GAB2: variants seen among roughly 807,000 people sequenced by gnomAD.
GAB2 encodes the protein GRB2-associated-binding protein 2.
In GAB2, 26 loss-of-function variants were observed where a neutral mutation model predicts 65.5. That is an observed-to-expected ratio of 0.40 (90% CI 0.29 to 0.55). GAB2 has a LOEUF of 0.55. Ranked by LOEUF, GAB2 falls within the 20% of genes least tolerant of loss-of-function variation. GAB2 has a pLI of 0.53. For synonymous variants in GAB2, 321 were observed against 329.6 expected, an observed-to-expected ratio of 0.97 and a Z score of 0.28; for missense variants, 884 against 875.8, an observed-to-expected ratio of 1.01 and a Z score of -0.12.
chr11:78,268,287 T>G (rs1865919140), intron 2 of GAB2, among the ~76,000 whole-genome samples: 1 of 152,208 alleles, frequency 6.6e-6, no homozygotes, highest in Non-Finnish European at 1.5e-5. Context: ...AGCTGAAATT[T>G]AAAACCAGAA....
intron 1 of GAB2, among the ~76,000 whole-genome samples, chr11:78,370,710 T>C (rs1028262084): frequency 1.4e-5 from 2 of 146,182 alleles, no homozygotes; most frequent in South Asian, 2.1e-4. Context: ...TATGTGTGTG[T>C]GCGTGTGTGT....
intron 1 of GAB2, among the ~76,000 whole-genome samples, chr11:78,375,507 A>G (rs898390139): frequency 2.0e-5 from 3 of 152,212 alleles, no homozygotes; most frequent in African/African-American, 4.8e-5. Context: ...CAGCAAATAT[A>G]TGGTAAAATT....
intron 1 of GAB2, among the ~76,000 whole-genome samples, chr11:78,345,345 G>A (rs1453920031): frequency 6.6e-6 from 1 of 152,106 alleles, no homozygotes; most frequent in Non-Finnish European, 1.5e-5. Flanking sequence ...GATGAAACTA[G>A]AGCTATATTT....
At chr11:78,381,894 G>C (rs117651397) in intron 1 of GAB2, among the ~76,000 whole-genome samples, 100 of 152,278 alleles carry the variant, frequency 6.6e-4, no homozygotes, top group African/African-American at 2.3e-3. Context: ...ACTTAACTTC[G>C]CAGTTCCTTG....
At chr11:78,403,031 TG>T (rs1331751614) in intron 1 of GAB2, among the ~76,000 whole-genome samples, 2 of 152,170 alleles carry the variant, frequency 1.3e-5, no homozygotes, top group African/African-American at 4.8e-5. Context: ...GAGGACACAA[TG>T]GAAGACATTG....
chr11:78,410,579 C>G (rs1157543822), intron 1 of GAB2, among the ~76,000 whole-genome samples: 1 of 152,118 alleles, frequency 6.6e-6, no homozygotes, highest in East Asian at 1.9e-4. Context: ...AGCAGTGGAC[C>G]CACTACAGAC....
chr11:78,221,851 G>T, intron 7 of GAB2, 72 bp from the exon 8 acceptor site: 1 of 1,068,622 alleles, frequency 9.4e-7, no homozygotes, highest in Non-Finnish European at 1.4e-6. Flanking sequence ...CTCCAGCTGG[G>T]CCCTGACCCT....
intron 3 of GAB2, among the ~76,000 whole-genome samples, chr11:78,247,333 G>A (rs1187146911): frequency 6.6e-6 from 1 of 152,126 alleles, no homozygotes; most frequent in Non-Finnish European, 1.5e-5. Context: ...CACCATAGTG[G>A]AACTGGAACT....
At chr11:78,237,078 C>A (rs913578050) in intron 3 of GAB2, among the ~76,000 whole-genome samples, 9 of 152,120 alleles carry the variant, frequency 5.9e-5, no homozygotes, top group Non-Finnish European at 1.2e-4. Flanking sequence ...GTGAAAGAAT[C>A]CCCTCCTCCT....
chr11:78,283,703 A>G (rs1866393682), intron 1 of GAB2, among the ~76,000 whole-genome samples: 1 of 151,954 alleles, frequency 6.6e-6, no homozygotes, highest in African/African-American at 2.4e-5. Context: ...ATCTCTCTCC[A>G]ACATCTGACA....
At chr11:78,269,328 G>C (rs1007206345) in intron 2 of GAB2, among the ~76,000 whole-genome samples, 1 of 152,182 alleles carries the variant, frequency 6.6e-6, no homozygotes, top group East Asian at 1.9e-4. Context: ...AAAGGTCAGG[G>C]AGGGAATGAG....
At chr11:78,357,121 G>A (rs1050947610) in intron 1 of GAB2, among the ~76,000 whole-genome samples, 9 of 152,180 alleles carry the variant, frequency 5.9e-5, no homozygotes, top group Non-Finnish European at 1.2e-4. Context: ...TAATGCCACT[G>A]AATTGTTCAC....
chr11:78,378,719 G>A (rs1856662907), intron 1 of GAB2, among the ~76,000 whole-genome samples: 1 of 152,054 alleles, frequency 6.6e-6, no homozygotes, highest in Non-Finnish European at 1.5e-5. Context: ...TTGAACTCCT[G>A]GCCTCAAGCA....
At chr11:78,343,381 A>G (rs1049516721) in intron 1 of GAB2, among the ~76,000 whole-genome samples, 1 of 114,580 alleles carries the variant, frequency 8.7e-6, no homozygotes, top group Non-Finnish European at 1.7e-5. Flanking sequence ...GGAGGGAAGG[A>G]GAGAGGGAGA....
chr11:78,351,584 A>C (rs1856279039), intron 1 of GAB2, among the ~76,000 whole-genome samples: 1 of 152,142 alleles, frequency 6.6e-6, no homozygotes, highest in South Asian at 2.1e-4. Flanking sequence ...CTCCTTCAAT[A>C]ATCTCATTAA....
intron 1 of GAB2, among the ~76,000 whole-genome samples, chr11:78,329,324 C>T (rs1360159631): frequency 6.6e-6 from 1 of 152,134 alleles, no homozygotes; most frequent in Non-Finnish European, 1.5e-5. Context: ...ATCCCTTACA[C>T]TTAACTTTTT....
At chr11:78,236,964 G>A (rs1161475754) in intron 3 of GAB2, among the ~76,000 whole-genome samples, 1 of 152,098 alleles carries the variant, frequency 6.6e-6, no homozygotes, top group African/African-American at 2.4e-5. Flanking sequence ...TTTTTAAAGA[G>A]GATTTCTGTT....
rs539883283 is a variant in GAB2 at position 78,267,374 on chromosome 11, G to A, written c.376+13227C>T. The stretch of plus-strand genomic sequence containing the variant: ...AGTCCTGACACACGTATCACCTCTA[G>A]ATCACTATTTCCCAGACTCTTCCAT... On this transcript the variant is annotated intron_variant, in intron 2 of 9. Transcript: ENST00000361507. Among the ~76,000 whole-genome samples the A allele has an allele frequency of 9.2e-5, 14 of 152,308 alleles. No homozygotes were observed. The South Asian group carries it at 2.9e-3, about 32-fold the overall frequency.
chr11:78,406,326 A>C (rs1311529534), intron 1 of GAB2, among the ~76,000 whole-genome samples: 1 of 152,190 alleles, frequency 6.6e-6, no homozygotes, highest in Non-Finnish European at 1.5e-5. Flanking sequence ...GATAAAACAC[A>C]AGGTTTAAAT....
Sources: gnomAD v4.1 joint callset for allele counts (sites outside exome capture counted in the v4.1 genomes callset) on GRCh38, gnomAD v4.1.1 for gene constraint, MANE v1.5 for transcripts, NCBI Gene and HGNC (gene_info 2026-07-23, HGNC 2026-07-21) for gene names.